The following GPR89A variants were observed in gnomAD, a reference collection of about 807,000 sequenced individuals.
GPR89A encodes golgi pH regulator A, also known as G protein-coupled receptor 89A.
A neutral mutation model predicts 52.0 loss-of-function variants in GPR89A; 16 were observed. The ratio of observed to expected loss-of-function variants is 0.31; its 90% CI spans 0.21 to 0.47. GPR89A has a LOEUF of 0.47. GPR89A is among the 20% of genes least tolerant of loss of function. GPR89A has a pLI of 1.00. For missense variants in GPR89A, 135 were observed against 449.4 expected (o/e 0.30, Z 6.33); for synonymous variants, 55 against 150.9 (o/e 0.36, Z 4.66).
chr1:145,646,077 AG>A, intron 8 of GPR89A, 106 bp from the exon 9 acceptor site: 1 of 1,548,820 alleles, frequency 6.5e-7, no homozygotes. Context: ...TTGAGAATAT[AG>A]GCAACTCCGG....
intron 7 of GPR89A, among the ~76,000 whole-genome samples, chr1:145,635,298 C>T (rs771712578): frequency 2.0e-5 from 3 of 151,956 alleles, no homozygotes; most frequent in African/African-American, 7.3e-5. Flanking sequence ...CCCAGCTACT[C>T]GGGAGGCTGA....
At chr1:145,642,191 A>C (rs1650698589) in intron 7 of GPR89A, among the ~76,000 whole-genome samples, 1 of 150,420 alleles carries the variant, frequency 6.6e-6, no homozygotes, top group South Asian at 2.1e-4. Context: ...GGACAATAGA[A>C]ATGAGCTCTG....
chr1:145,657,595 A>T (rs1651894812), intron 10 of GPR89A, among the ~76,000 whole-genome samples: 1 of 152,210 alleles, frequency 6.6e-6, no homozygotes, highest in Non-Finnish European at 1.5e-5. Context: ...TGTAGAGTTT[A>T]TCAATAAAGC....
chr1:145,609,645 A>T (rs1648110868), intron 1 of GPR89A, among the ~76,000 whole-genome samples: 1 of 152,200 alleles, frequency 6.6e-6, no homozygotes, highest in Admixed American at 6.5e-5. Flanking sequence ...TCAGTAGAAA[A>T]TTGGCTTTGC....
At chr1:145,625,903 T>G (rs1229632941) in intron 5 of GPR89A, among the ~76,000 whole-genome samples, 1 of 150,874 alleles carries the variant, frequency 6.6e-6, no homozygotes, top group African/African-American at 2.5e-5. Flanking sequence ...TTATTTGTCT[T>G]TGTATCCCCA....
intron 11 of GPR89A, among the ~76,000 whole-genome samples, 183 bp from the exon 12 acceptor site, chr1:145,665,379 G>A (rs1652486080): frequency 6.6e-6 from 1 of 151,936 alleles, no homozygotes; most frequent in Non-Finnish European, 1.5e-5. Context: ...GGTATTTACT[G>A]CAGTCTTTCT....
intron 1 of GPR89A, 64 bp from the exon 2 acceptor site, chr1:145,616,170 A>G: frequency 2.7e-6 from 3 of 1,116,066 alleles, no homozygotes; most frequent in Non-Finnish European, 4.0e-6. Flanking sequence ...ATCATAAAAG[A>G]GTTTCTATAA....
At chr1:145,617,683 C>A (rs1490579992) in intron 2 of GPR89A, among the ~76,000 whole-genome samples, 4 of 151,918 alleles carry the variant, frequency 2.6e-5, no homozygotes, top group Admixed American at 2.6e-4. Context: ...TTCAGCCAGT[C>A]CCTCCATTCG....
At chr1:145,641,645 G>A (rs1270329428) in intron 7 of GPR89A, among the ~76,000 whole-genome samples, 7 of 152,124 alleles carry the variant, frequency 4.6e-5, no homozygotes, top group African/African-American at 1.7e-4. Flanking sequence ...AACCTCAGTA[G>A]ACATTTTTTA....
In GPR89A at chr1:145,632,754, G is replaced by A. The variant is rs1456450013; in HGVS notation, c.617+1010G>A. Among the ~76,000 whole-genome samples, 4 of 152,188 alleles carry A rather than the reference G, an allele frequency of 2.6e-5. 1 individual carries two copies. Among genetic ancestry groups the A allele is most frequent in the African/African-American group, 9.6e-5 (4 of 41,496 alleles). On this transcript the variant is annotated intron_variant, in intron 7 of 13. Transcript: ENST00000313835. ...ATTTTACTGATTTCAGATCTTTTGG[G>A]TAAATACTAAGAAGTGGGATTGCTG...
intron 10 of GPR89A, among the ~76,000 whole-genome samples, chr1:145,649,089 C>T (rs1553693141): frequency 6.6e-6 from 1 of 152,162 alleles, no homozygotes; most frequent in Non-Finnish European, 1.5e-5. Flanking sequence ...CAGGCGTGAG[C>T]CACTGCACCC....
chr1:145,619,202 A>G (rs1166161452), intron 3 of GPR89A, among the ~76,000 whole-genome samples: 1 of 151,930 alleles, frequency 6.6e-6, no homozygotes, highest in African/African-American at 2.4e-5. Context: ...TTGTAGAGAG[A>G]CTATACTCTC....
intron 5 of GPR89A, among the ~76,000 whole-genome samples, 182 bp from the exon 6 acceptor site, chr1:145,630,505 G>A: frequency 1.4e-5 from 2 of 146,212 alleles, no homozygotes; most frequent in South Asian, 2.1e-4. Flanking sequence ...TGGGACAGGA[G>A]GAAAATCAGT....
At chr1:145,641,503 T>A (rs1388730434) in intron 7 of GPR89A, among the ~76,000 whole-genome samples, 1 of 150,738 alleles carries the variant, frequency 6.6e-6, no homozygotes, top group Non-Finnish European at 1.5e-5. Context: ...AAAGGGTACA[T>A]GGAATCTCTG....
chr1:145,665,746 A>C, intron 12 of GPR89A, 95 bp downstream of exon 12: 1 of 619,674 alleles, frequency 1.6e-6, no homozygotes. Flanking sequence ...TGTAATCCCA[A>C]CACTTTGGAA....
At chr1:145,645,439 T>G (rs1206872467) in intron 8 of GPR89A, 2 of 382,278 alleles carry the variant, frequency 5.2e-6, no homozygotes, top group African/African-American at 4.2e-5. Context: ...TTGAGCTGTG[T>G]TAGTAATGAG....
At chr1:145,635,173 G>A (rs1202844741) in intron 7 of GPR89A, among the ~76,000 whole-genome samples, 11 of 152,296 alleles carry the variant, frequency 7.2e-5, no homozygotes, top group Non-Finnish European at 1.5e-4. Context: ...TTGGGAGGCC[G>A]AGTCGGGCAG....
chr1:145,649,414 G>A (rs1358416554), intron 10 of GPR89A, among the ~76,000 whole-genome samples: 1 of 151,534 alleles, frequency 6.6e-6, no homozygotes, highest in Non-Finnish European at 1.5e-5. Flanking sequence ...TCCTTTTTCT[G>A]TCTGGCTTAT....
rs1241078804 is a variant in GPR89A at position 145,617,396 on chromosome 1, CAT to C, written c.103-923_103-922del. The stretch of plus-strand genomic sequence containing the variant: ...ACTAATTTCATATTGTTCAAACACA[CAT>C]GTTTTTCAAACAATTTGTACAGTTA... On this transcript the variant is annotated intron_variant, in intron 2 of 13. Coordinates refer to ENST00000313835, the MANE Select transcript of GPR89A (RefSeq NM_001097612.2). Among the ~76,000 whole-genome samples, 24 of 152,112 alleles carry C rather than the reference CAT, an allele frequency of 1.6e-4. No individual in the cohort carries two copies. The Middle Eastern group carries it at 0.014, about 86-fold the overall frequency.
Sources: gnomAD v4.1 joint callset for allele counts (sites outside exome capture counted in the v4.1 genomes callset) on GRCh38, gnomAD v4.1.1 for gene constraint, MANE v1.5 for transcripts, NCBI Gene and HGNC (gene_info 2026-07-23, HGNC 2026-07-21) for gene names.